Variants in KDM4C observed in about 807,000 individuals in gnomAD.
The protein encoded by KDM4C is lysine demethylase 4C, also known as lysine-specific demethylase 4C.
Under a neutral mutation model 129.3 loss-of-function variants are expected in KDM4C, and 81 were observed. The ratio of observed to expected loss-of-function variants is 0.63; its 90% CI spans 0.52 to 0.75. The LOEUF is 0.75. Ranked by LOEUF, KDM4C falls within the 30% of genes least tolerant of loss-of-function variation. The pLI is 0.00. For synonymous variants in KDM4C, 573 were observed against 456.1 expected, an observed-to-expected ratio of 1.26 and a Z score of -3.26; for missense variants, 1,457 against 1,304.0, an observed-to-expected ratio of 1.12 and a Z score of -1.81.
At chr9:6,897,490 A>G (rs962640260) in intron 8 of KDM4C, among the ~76,000 whole-genome samples, 2 of 152,190 alleles carry the variant, frequency 1.3e-5, no homozygotes, top group African/African-American at 4.8e-5. Flanking sequence ...TTTAGCAGGA[A>G]CAACTGACCT....
intron 5 of KDM4C, among the ~76,000 whole-genome samples, chr9:6,869,095 T>G (rs1401494819): frequency 6.6e-6 from 1 of 152,228 alleles, no homozygotes; most frequent in East Asian, 1.9e-4. Context: ...TCGAATTGTA[T>G]TTGAAATTCC....
chr9:6,910,900 G>A (rs2131078523), intron 8 of KDM4C, among the ~76,000 whole-genome samples: 2 of 152,300 alleles, frequency 1.3e-5, no homozygotes, highest in Non-Finnish European at 2.9e-5. Context: ...GTGGAGGTAC[G>A]TTTATTGATA....
At chr9:7,006,808 A>G (rs1478652651) in intron 12 of KDM4C, among the ~76,000 whole-genome samples, 2 of 152,066 alleles carry the variant, frequency 1.3e-5, no homozygotes, top group Admixed American at 1.3e-4. Context: ...AGAGGTGATG[A>G]TTGGTTTCCT....
intron 12 of KDM4C, among the ~76,000 whole-genome samples, chr9:7,009,471 G>T (rs1185590164): frequency 1.3e-5 from 2 of 151,724 alleles, no homozygotes; most frequent in Non-Finnish European, 2.9e-5. Context: ...TTTTTTCACA[G>T]ATTTAATAAA....
At chr9:6,982,356 C>A (rs818910) in intron 9 of KDM4C, 151,186 of 152,230 alleles carry the variant, frequency 0.99, 75,081 homozygotes, top group East Asian at 1. Context: ...TTGATATTTC[C>A]CCCTGTAGTT....
chr9:7,134,375 T>G (rs955520370), intron 19 of KDM4C, among the ~76,000 whole-genome samples: 1 of 152,186 alleles, frequency 6.6e-6, no homozygotes, highest in Admixed American at 6.5e-5. Context: ...AATCTAATAT[T>G]TGCATAAAAA....
At chr9:6,858,225 C>T (rs1744292905) in intron 5 of KDM4C, among the ~76,000 whole-genome samples, 3 of 151,342 alleles carry the variant, frequency 2.0e-5, no homozygotes, top group African/African-American at 7.3e-5. Context: ...CCTGCTTTTG[C>T]TTATTTTGTT....
At chr9:7,017,170 C>A (rs1450363969) in intron 15 of KDM4C, among the ~76,000 whole-genome samples, 1 of 152,186 alleles carries the variant, frequency 6.6e-6, no homozygotes, top group African/African-American at 2.4e-5. Context: ...CTCCTGAGCT[C>A]AAGTGATCCT....
At position 7,012,265 on chromosome 9, in the gene KDM4C, G is replaced by A. The variant is rs1305567423; in HGVS notation, c.1968+386G>A. ...AAATTTATTTTTTAATTTTTGTAGC[G>A]ACTGGGTCTTACTATGTTGCCTAGG... On this transcript the variant is annotated intron_variant, in intron 13 of 21. Transcript: ENST00000381309. 2.6e-5 allele frequency among the ~76,000 whole-genome samples: 4 copies of A among 151,994 alleles called. 1 individual carries two copies. The highest frequency in any genetic ancestry group is 2.0e-4 in the Admixed American group (3 of 15,244).
At chr9:7,067,153 T>C (rs1174737988) in intron 17 of KDM4C, among the ~76,000 whole-genome samples, 4 of 152,232 alleles carry the variant, frequency 2.6e-5, no homozygotes, top group Non-Finnish European at 4.4e-5. Context: ...AGCTGGGCAA[T>C]CACCATTTAA....
chr9:7,108,389 C>G (rs184320920), intron 18 of KDM4C, among the ~76,000 whole-genome samples: 3 of 152,088 alleles, frequency 2.0e-5, no homozygotes, highest in African/African-American at 7.2e-5. Flanking sequence ...GGTGTGCGCC[C>G]CCATGTCCTG....
intron 4 of KDM4C, among the ~76,000 whole-genome samples, chr9:6,843,024 G>A (rs532018891): frequency 2.0e-5 from 3 of 152,146 alleles, no homozygotes; most frequent in Non-Finnish European, 2.9e-5. Flanking sequence ...CCACCGCCAG[G>A]GTTCAAGTGA....
At chr9:6,983,314 T>C (rs1218123393) in intron 9 of KDM4C, among the ~76,000 whole-genome samples, 1 of 152,186 alleles carries the variant, frequency 6.6e-6, no homozygotes, top group Non-Finnish European at 1.5e-5. Flanking sequence ...TCCTAATTGT[T>C]AGGAATGTTT....
At chr9:7,021,169 TG>T (rs1824781455) in intron 15 of KDM4C, among the ~76,000 whole-genome samples, 1 of 151,564 alleles carries the variant, frequency 6.6e-6, no homozygotes, top group African/African-American at 2.4e-5. Context: ...TTTTTTTTTT[TG>T]AGATGGGGTC....
At chr9:6,919,666 C>T (rs1421816085) in intron 8 of KDM4C, among the ~76,000 whole-genome samples, 8 of 151,760 alleles carry the variant, frequency 5.3e-5, no homozygotes, top group African/African-American at 2.4e-5. Context: ...ATCTCCGCCT[C>T]CCGGGTTCAA....
chr9:7,010,492 CACTT>C (rs1216139429), intron 12 of KDM4C, among the ~76,000 whole-genome samples: 2 of 152,206 alleles, frequency 1.3e-5, no homozygotes, highest in Non-Finnish European at 1.5e-5. Context: ...GGCTGGAACA[CACTT>C]ACTCACCAGT....
chr9:6,746,026 G>T, intron 1 of KDM4C, among the ~76,000 whole-genome samples: 1 of 151,770 alleles, frequency 6.6e-6, no homozygotes, highest in Non-Finnish European at 1.5e-5. Flanking sequence ...GGCTGGTCTT[G>T]AACCCCCAAC....
intron 8 of KDM4C, among the ~76,000 whole-genome samples, chr9:6,934,586 C>T (rs1336253687): frequency 6.6e-6 from 1 of 151,444 alleles, no homozygotes; most frequent in Non-Finnish European, 1.5e-5. Context: ...GCCTCAGCCT[C>T]CTGAGTAGCT....
At chr9:7,019,791 T>TATTTTATA (rs1563993611) in intron 15 of KDM4C, among the ~76,000 whole-genome samples, 1 of 58,502 alleles carries the variant, frequency 1.7e-5, no homozygotes, top group Non-Finnish European at 4.2e-5. Context: ...TAAAAATATT[T>TATTTTATA]TAGAAGCAAA....
Sources: gnomAD v4.1 joint callset for allele counts (sites outside exome capture counted in the v4.1 genomes callset) on GRCh38, gnomAD v4.1.1 for gene constraint, MANE v1.5 for transcripts, NCBI Gene and HGNC (gene_info 2026-07-23, HGNC 2026-07-21) for gene names.